PKD2L1: variants seen among roughly 807,000 people sequenced by gnomAD.
PKD2L1 encodes the protein polycystin-2-like protein 1.
Under a neutral mutation model 93.0 loss-of-function variants are expected in PKD2L1, and 77 were observed. The ratio of observed to expected loss-of-function variants is 0.83; its 90% CI spans 0.69 to 1.00. The LOEUF (loss-of-function observed/expected upper bound fraction) is 1.00. Among genes scored for constraint, PKD2L1 ranks in the 50% least tolerant of loss-of-function variants. The pLI is 0.00. For synonymous variants in PKD2L1, 390 were observed against 388.0 expected (o/e 1.01, Z -0.06); for missense variants, 977 against 990.9 (o/e 0.99, Z 0.19).
chr10:100,327,868 G>A (rs1311654584), intron 2 of PKD2L1, among the ~76,000 whole-genome samples: 3 of 152,182 alleles, frequency 2.0e-5, no homozygotes, highest in African/African-American at 4.8e-5. Context: ...AATGAGTTCC[G>A]ATAGAGCACA....
chr10:100,326,711 A>G (rs1849387318), intron 2 of PKD2L1, among the ~76,000 whole-genome samples: 1 of 152,190 alleles, frequency 6.6e-6, no homozygotes, highest in Non-Finnish European at 1.5e-5. Context: ...CTATTATCTC[A>G]CATAATCCTA....
At chr10:100,293,090 G>A (rs1421737364) in intron 10 of PKD2L1, 21 bp from the exon 11 acceptor site, 1 of 1,611,308 alleles carries the variant, frequency 6.2e-7, no homozygotes, top group Non-Finnish European at 8.5e-7. Context: ...AAGGAAATAG[G>A]CACAAGTTCT....
intron 9 of PKD2L1, among the ~76,000 whole-genome samples, 175 bp downstream of exon 9, chr10:100,294,360 T>C (rs1589661157): frequency 6.6e-6 from 1 of 152,228 alleles, no homozygotes; most frequent in East Asian, 1.9e-4. Flanking sequence ...ACCTGCAAAC[T>C]GACCATGCTG....
chr10:100,321,684 AAAGAAAG>A (rs1849235393), intron 2 of PKD2L1, among the ~76,000 whole-genome samples: 1 of 942 alleles, frequency 1.1e-3, no homozygotes, highest in African/African-American at 3.1e-3. Flanking sequence ...AGAAAGAAAG[AAAGAAAG>A]AAAGAAAGAA....
intron 15 of PKD2L1, 135 bp from the exon 16 acceptor site, chr10:100,288,613 G>C: frequency 1.5e-6 from 1 of 645,350 alleles, no homozygotes; most frequent in Non-Finnish European, 2.8e-6. Context: ...CTTTTTCACA[G>C]ACCATGGCTA....
At chr10:100,323,918 C>A (rs1026610214) in intron 2 of PKD2L1, among the ~76,000 whole-genome samples, 3 of 152,124 alleles carry the variant, frequency 2.0e-5, no homozygotes, top group Non-Finnish European at 4.4e-5. Context: ...ACCTCCGCCT[C>A]CCAGGTTCAA....
At chr10:100,326,353 C>A (rs1296181719) in intron 2 of PKD2L1, among the ~76,000 whole-genome samples, 1 of 152,250 alleles carries the variant, frequency 6.6e-6, no homozygotes, top group African/African-American at 2.4e-5. Context: ...CACGTTGATG[C>A]ACTTTAACCA....
chr10:100,323,622 T>G (rs1346037425), intron 2 of PKD2L1, among the ~76,000 whole-genome samples: 5 of 152,148 alleles, frequency 3.3e-5, no homozygotes. Flanking sequence ...GTATACATCA[T>G]GGAATGATCA....
chr10:100,297,702 TTGTGTGTGTGTGTGTGTGTGTGTG>T (rs60373525), intron 4 of PKD2L1, 96 bp from the exon 5 acceptor site: 3 of 607,446 alleles, frequency 4.9e-6, no homozygotes, highest in Non-Finnish European at 8.7e-6. Context: ...GGTTTACATA[TTGTGTGTGTGTGTGTGTGTGTGTG>T]TGTGTGTGTG....
chr10:100,288,607 T>C, intron 15 of PKD2L1, 129 bp from the exon 16 acceptor site: 1 of 664,556 alleles, frequency 1.5e-6, no homozygotes, highest in Non-Finnish European at 2.7e-6. Context: ...TTCTACCTTT[T>C]TCACAGACCA....
intron 2 of PKD2L1, among the ~76,000 whole-genome samples, chr10:100,302,811 C>G (rs1182894371): frequency 6.6e-6 from 1 of 151,838 alleles, no homozygotes; most frequent in Non-Finnish European, 1.5e-5. Context: ...AATTTTTTTC[C>G]TTTTGCTATA....
intron 2 of PKD2L1, among the ~76,000 whole-genome samples, chr10:100,313,060 T>A (rs1848968693): frequency 6.6e-6 from 1 of 152,110 alleles, no homozygotes; most frequent in Non-Finnish European, 1.5e-5. Flanking sequence ...GTACAGGGAT[T>A]TTTCTGGCTG....
chr10:100,298,873 A>G (rs1209247242), intron 3 of PKD2L1, 58 bp from the exon 4 acceptor site: 1 of 1,555,846 alleles, frequency 6.4e-7, no homozygotes, highest in East Asian at 2.3e-5. Context: ...CTACCTTTAG[A>G]ATGACCTTTG....
chr10:100,329,626 C>T (rs554046113), intron 1 of PKD2L1, among the ~76,000 whole-genome samples: 1 of 152,198 alleles, frequency 6.6e-6, no homozygotes, highest in Admixed American at 6.5e-5. Context: ...CAAACCAGCT[C>T]CCACATACCT....
At chr10:100,310,746 G>A (rs894674519) in intron 2 of PKD2L1, among the ~76,000 whole-genome samples, 2 of 152,124 alleles carry the variant, frequency 1.3e-5, no homozygotes, top group East Asian at 3.9e-4. Context: ...GTCTCACTCT[G>A]TCGCCCAGGC....
chr10:100,300,943 C>T (rs996886610), intron 2 of PKD2L1, among the ~76,000 whole-genome samples: 12 of 152,038 alleles, frequency 7.9e-5, no homozygotes, highest in African/African-American at 2.4e-4. Context: ...AACCTGCCCC[C>T]GATAATTCAA....
chr10:100,299,636 A>T lies in PKD2L1; in HGVS notation c.432T>A (p.Thr144=). 1 of 1,613,644 alleles carries T rather than the reference A, an allele frequency of 6.2e-7. No individual in the cohort carries two copies. Among genetic ancestry groups the T allele is most frequent in the South Asian group, 1.1e-5 (1 of 91,074 alleles). The change falls in exon 3 of 16, where the codon ACT becomes ACA. Residue 144 remains threonine (T), a synonymous_variant. Transcript: ENST00000318222. ...TGCTGATGGCCTGAAAGGAGACTCC[A>T]GTGTCTGATGGAGTATGTAAGAAGA... ...SELFLHTPSD[T]GVSFQAISSM...
At position 100,288,243 on chromosome 10, in the gene PKD2L1, C is replaced by T. The variant is rs1848318415; in HGVS notation, c.*153G>A. ...ACCCACCACATATTAATTCAAAGAT[C>T]TCTGAATCCTGAGTTCATTTCCTTG... is the stretch of plus-strand genomic sequence containing the variant. On this transcript the variant is annotated 3_prime_UTR_variant, in exon 16 of 16. Transcript: ENST00000318222. 4.7e-6 allele frequency: 3 copies of T among 641,698 alleles called. No homozygotes were observed. Among genetic ancestry groups the T allele is most frequent in the African/African-American group, 1.8e-5 (1 of 55,424 alleles). The allele number at this position is 641,698 out of a possible 1,614,324, so 39.8% of individuals were successfully genotyped here.
intron 8 of PKD2L1, 52 bp from the exon 9 acceptor site, chr10:100,294,707 C>T: frequency 4.3e-6 from 7 of 1,610,922 alleles, no homozygotes; most frequent in Non-Finnish European, 5.9e-6. Context: ...ACCCCCCATC[C>T]CACTTTCCTA....
Sources: allele counts gnomAD v4.1 joint callset (sites outside exome capture counted in the v4.1 genomes callset), GRCh38; gene constraint gnomAD v4.1.1; transcripts MANE v1.5; gene names NCBI Gene and HGNC (gene_info 2026-07-23, HGNC 2026-07-21).